GRM7: variants seen among roughly 807,000 people sequenced by gnomAD.
The protein encoded by GRM7 is metabotropic glutamate receptor 7.
GRM7 carries 35 observed loss-of-function variants against 84.5 expected under a neutral mutation model. The ratio of observed to expected loss-of-function variants is 0.41; its 90% CI spans 0.32 to 0.55. The LOEUF (loss-of-function observed/expected upper bound fraction) is 0.55, where lower values mean the gene tolerates loss of function less well. Ranked by LOEUF, GRM7 falls within the 20% of genes least tolerant of loss-of-function variation. The pLI is 0.19. For synonymous variants in GRM7, 487 were observed against 455.1 expected, an observed-to-expected ratio of 1.07 and a Z score of -0.89; for missense variants, 1,003 against 1,194.6, an observed-to-expected ratio of 0.84 and a Z score of 2.36.
intron 1 of GRM7, among the ~76,000 whole-genome samples, chr3:6,984,129 C>G (rs547754789): frequency 6.6e-6 from 1 of 152,214 alleles, no homozygotes; most frequent in South Asian, 2.1e-4. Flanking sequence ...TTTAGGTATT[C>G]CCTGAATTAA....
intron 2 of GRM7, among the ~76,000 whole-genome samples, chr3:7,206,022 A>G (rs1696226932): frequency 6.6e-6 from 1 of 152,142 alleles, no homozygotes; most frequent in Non-Finnish European, 1.5e-5. Context: ...CGTAACTCAA[A>G]TATACACTAA....
chr3:7,196,289 C>G (rs1695876623), intron 2 of GRM7, among the ~76,000 whole-genome samples: 1 of 152,094 alleles, frequency 6.6e-6, no homozygotes, highest in Non-Finnish European at 1.5e-5. Context: ...ACAATTTGCT[C>G]TACTCAAAGT....
At chr3:7,402,564 G>A (rs1344522699) in intron 4 of GRM7, among the ~76,000 whole-genome samples, 1 of 152,110 alleles carries the variant, frequency 6.6e-6, no homozygotes, top group Non-Finnish European at 1.5e-5. Flanking sequence ...GAAAGACATG[G>A]AGAAATAACA....
chr3:6,998,866 C>T (rs991528408), intron 1 of GRM7, among the ~76,000 whole-genome samples: 1 of 152,146 alleles, frequency 6.6e-6, no homozygotes, highest in African/African-American at 2.4e-5. Flanking sequence ...TGGGCCCAGG[C>T]CCTGAAACCA....
At chr3:7,317,764 AC>A (rs951375359) in intron 4 of GRM7, among the ~76,000 whole-genome samples, 27 of 151,274 alleles carry the variant, frequency 1.8e-4, no homozygotes, top group Non-Finnish European at 7.4e-5. Flanking sequence ...CTGATTTTCT[AC>A]AAAAAAAAAA....
chr3:7,094,363 T>A (rs1029054131), intron 1 of GRM7, among the ~76,000 whole-genome samples: 3 of 152,196 alleles, frequency 2.0e-5, no homozygotes, highest in African/African-American at 2.4e-5. Flanking sequence ...TGGCACAATA[T>A]CATTTCACAT....
chr3:7,325,489 T>A (rs1279536845), intron 4 of GRM7, among the ~76,000 whole-genome samples: 1 of 152,144 alleles, frequency 6.6e-6, no homozygotes, highest in East Asian at 1.9e-4. Context: ...CAGGTGATGC[T>A]GATGCAGCTG....
At chr3:7,089,557 T>C (rs1698590385) in intron 1 of GRM7, among the ~76,000 whole-genome samples, 1 of 152,066 alleles carries the variant, frequency 6.6e-6, no homozygotes, top group South Asian at 2.1e-4. Context: ...CATAGGAAAA[T>C]TAAAATTGAA....
chr3:7,303,269 T>TA (rs1700072262), intron 3 of GRM7, among the ~76,000 whole-genome samples: 1 of 152,126 alleles, frequency 6.6e-6, no homozygotes, highest in Non-Finnish European at 1.5e-5. Context: ...AAATAATAAA[T>TA]ACATAAAAAA....
intron 4 of GRM7, among the ~76,000 whole-genome samples, chr3:7,340,496 G>C (rs541040066): frequency 6.6e-6 from 1 of 152,134 alleles, no homozygotes; most frequent in South Asian, 2.1e-4. Context: ...AGAACAGTAT[G>C]GGAGAAATGG....
At chr3:6,963,941 T>G (rs551953136) in intron 1 of GRM7, among the ~76,000 whole-genome samples, 2 of 152,200 alleles carry the variant, frequency 1.3e-5, no homozygotes, top group Non-Finnish European at 2.9e-5. Context: ...TTTGACACTT[T>G]AATGCCTTCA....
chr3:7,240,071 C>G (rs886569110), intron 2 of GRM7, among the ~76,000 whole-genome samples: 2 of 145,052 alleles, frequency 1.4e-5, no homozygotes, highest in Non-Finnish European at 3.0e-5. Context: ...TGTGGAATCC[C>G]ATCAAATGTG....
At chr3:7,675,721 AC>A (rs1437098311) in intron 8 of GRM7, among the ~76,000 whole-genome samples, 1 of 152,162 alleles carries the variant, frequency 6.6e-6, no homozygotes, top group African/African-American at 2.4e-5. Context: ...TTAATCAACA[AC>A]CTATACATAA....
At chr3:6,896,994 A>G (rs995720933) in intron 1 of GRM7, among the ~76,000 whole-genome samples, 2 of 152,228 alleles carry the variant, frequency 1.3e-5, no homozygotes, top group Non-Finnish European at 2.9e-5. Context: ...ATGATCAGAA[A>G]GAATTCTTGA....
At chr3:6,893,461 C>T (rs530770953) in intron 1 of GRM7, among the ~76,000 whole-genome samples, 2 of 152,258 alleles carry the variant, frequency 1.3e-5, no homozygotes, top group South Asian at 4.1e-4. Context: ...TCTAACTCAT[C>T]GTTTATTTGA....
At chr3:7,713,394 T>C (rs944745093) in intron 9 of GRM7, among the ~76,000 whole-genome samples, 1 of 151,996 alleles carries the variant, frequency 6.6e-6, no homozygotes, top group Non-Finnish European at 1.5e-5. Flanking sequence ...CGCCTCAGTC[T>C]CCCAAAGTGC....
Position 6,936,153 on chromosome 3 carries a change from G to C in GRM7, c.519+74246G>C, listed in dbSNP as rs146620296. 7.0e-3 allele frequency among the ~76,000 whole-genome samples: 1,062 copies of C among 152,276 alleles called. 11 individuals carry two copies. Among genetic ancestry groups the C allele is most frequent in the Non-Finnish European group, 0.012 (810 of 68,024 alleles). On this transcript the variant is annotated intron_variant, in intron 1 of 9. Coordinates refer to ENST00000357716, the MANE Select transcript of GRM7 (RefSeq NM_000844.4). Reference sequence around the variant, plus strand: ...GCATTCAAGGTTCCTCCAGCACCCAGCTGTCTCAGCTCTGAGGTCTCTCCC... The same window carrying C: ...GCATTCAAGGTTCCTCCAGCACCCACCTGTCTCAGCTCTGAGGTCTCTCCC...
intron 2 of GRM7, among the ~76,000 whole-genome samples, chr3:7,267,092 T>C (rs1364545689): frequency 6.6e-6 from 1 of 152,214 alleles, no homozygotes; most frequent in Non-Finnish European, 1.5e-5. Flanking sequence ...TCTGTGTATT[T>C]GGAATTTGTA....
At chr3:7,395,115 G>A (rs1370686007) in intron 4 of GRM7, among the ~76,000 whole-genome samples, 1 of 151,398 alleles carries the variant, frequency 6.6e-6, no homozygotes, top group African/African-American at 2.4e-5. Flanking sequence ...CCCATGTTAC[G>A]ATTATTTTCT....
Sources: gnomAD v4.1 joint callset for allele counts (sites outside exome capture counted in the v4.1 genomes callset) on GRCh38, gnomAD v4.1.1 for gene constraint, MANE v1.5 for transcripts, NCBI Gene and HGNC (gene_info 2026-07-23, HGNC 2026-07-21) for gene names.